The following PHC3 variants were observed in gnomAD, a reference collection of about 807,000 sequenced individuals.
PHC3 encodes polyhomeotic homolog 3, also known as polyhomeotic-like protein 3.
In PHC3, 13 loss-of-function variants were observed where a neutral mutation model predicts 107.4. The ratio of observed to expected loss-of-function variants is 0.12; its 90% CI spans 0.08 to 0.19. The LOEUF (loss-of-function observed/expected upper bound fraction) is 0.19, where lower values mean the gene tolerates loss of function less well. Ranked by LOEUF, PHC3 falls within the 10% of genes least tolerant of loss-of-function variation. The pLI, the probability that PHC3 is intolerant of heterozygous loss-of-function variation, is 1.00. For missense variants in PHC3, 992 were observed against 1,210.9 expected, an observed-to-expected ratio of 0.82 and a Z score of 2.68; for synonymous variants, 456 against 427.4, an observed-to-expected ratio of 1.07 and a Z score of -0.83.
chr3:170,100,589 TATA>T (rs1386974952), intron 14 of PHC3, among the ~76,000 whole-genome samples: 4 of 152,200 alleles, frequency 2.6e-5, no homozygotes, highest in African/African-American at 9.6e-5. Flanking sequence ...TTTTATGATA[TATA>T]ATGTTTTCTA....
chr3:170,172,828 C>T (rs1729821683), intron 2 of PHC3, 116 bp from the exon 3 acceptor site: 1 of 1,034,520 alleles, frequency 9.7e-7, no homozygotes, highest in African/African-American at 1.6e-5. Context: ...TACATAATAT[C>T]ATCAAGCTTA....
rs1256311042 is a variant in PHC3, at chr3:170,091,266, CATGTTAGT to C, written c.*5956_*5963del. On this transcript the variant is annotated 3_prime_UTR_variant, in exon 15 of 15. Coordinates refer to ENST00000495893, the MANE Select transcript of PHC3 (RefSeq NM_024947.4). ...CTCTTATATTTAATTAACACCTTGC[CATGTTAGT>C]ATAACAGTGTTTTCAAATTATGTTG... The C allele has an allele frequency of 1.3e-5, 2 of 152,160 alleles. No individual in the cohort carries two copies. Among genetic ancestry groups the C allele is most frequent in the Admixed American group, 6.5e-5 (1 of 15,284 alleles). The allele number at this position is 152,160 out of a possible 1,614,324, so 9.4% of individuals were successfully genotyped here.
intron 6 of PHC3, among the ~76,000 whole-genome samples, chr3:170,142,858 A>G (rs1163335482): frequency 6.6e-6 from 1 of 152,186 alleles, no homozygotes; most frequent in Non-Finnish European, 1.5e-5. Flanking sequence ...AGGTTTCATA[A>G]AACTAAAACA....
chr3:170,158,608 A>G (rs891097162), intron 4 of PHC3, among the ~76,000 whole-genome samples: 1 of 151,848 alleles, frequency 6.6e-6, no homozygotes, highest in African/African-American at 2.4e-5. Flanking sequence ...ATCTCAAAAA[A>G]GAAAAATTTC....
intron 6 of PHC3, among the ~76,000 whole-genome samples, chr3:170,139,311 G>C (rs1723655579): frequency 6.6e-6 from 1 of 152,084 alleles, no homozygotes; most frequent in South Asian, 2.1e-4. Context: ...GTGTTCTTAG[G>C]CTAACATTAA....
chr3:170,123,972 C>T (rs1324806908), intron 8 of PHC3, among the ~76,000 whole-genome samples: 5 of 151,736 alleles, frequency 3.3e-5, no homozygotes, highest in Non-Finnish European at 2.9e-5. Context: ...TCAGCCACCC[C>T]GAGTAGCTGG....
intron 4 of PHC3, among the ~76,000 whole-genome samples, chr3:170,164,056 G>C (rs982224418): frequency 2.0e-5 from 3 of 151,956 alleles, no homozygotes; most frequent in African/African-American, 7.2e-5. Context: ...AACAAAAATA[G>C]CTGGGTGTGG....
intron 4 of PHC3, among the ~76,000 whole-genome samples, chr3:170,157,410 A>AGTAT (rs1727063668): frequency 6.6e-6 from 1 of 152,152 alleles, no homozygotes; most frequent in East Asian, 1.9e-4. Flanking sequence ...GGAACTTAAT[A>AGTAT]CCTTTTTTAC....
chr3:170,117,198 C>T (rs1719186930), intron 10 of PHC3, 28 bp downstream of exon 10: 1 of 1,612,338 alleles, frequency 6.2e-7, no homozygotes, highest in Non-Finnish European at 8.5e-7. Context: ...AAATTACAAA[C>T]ACACACACAA....
intron 9 of PHC3, among the ~76,000 whole-genome samples, chr3:170,121,537 C>T (rs999339019): frequency 2.0e-5 from 3 of 151,966 alleles, no homozygotes; most frequent in Non-Finnish European, 2.9e-5. Context: ...AGCACAAGAA[C>T]TTTTTTTTAA....
At chr3:170,157,646 A>C (rs1461046377) in intron 4 of PHC3, among the ~76,000 whole-genome samples, 1 of 152,200 alleles carries the variant, frequency 6.6e-6, no homozygotes. Flanking sequence ...CTAGCAGTAG[A>C]ACACTGAGAA....
chr3:170,143,606 T>C (rs977014479), intron 6 of PHC3, among the ~76,000 whole-genome samples: 15 of 152,212 alleles, frequency 9.9e-5, no homozygotes, highest in African/African-American at 3.6e-4. Flanking sequence ...ATATTCATTA[T>C]GAAGAATACC....
chr3:170,145,390 C>CA, intron 6 of PHC3, 33 bp downstream of exon 6: 2 of 1,567,018 alleles, frequency 1.3e-6, no homozygotes, highest in Non-Finnish European at 1.7e-6. Flanking sequence ...ATCCAGATCT[C>CA]AAGTAACACA....
At chr3:170,158,912 G>C (rs1354163436) in intron 4 of PHC3, among the ~76,000 whole-genome samples, 2 of 146,254 alleles carry the variant, frequency 1.4e-5, no homozygotes, top group Admixed American at 1.4e-4. Context: ...GGACAACAAA[G>C]TGAGAACCTG....
At chr3:170,116,873 T>C (rs1719084583) in intron 10 of PHC3, among the ~76,000 whole-genome samples, 1 of 151,282 alleles carries the variant, frequency 6.6e-6, no homozygotes, top group Admixed American at 6.6e-5. Flanking sequence ...ATCGCACCAC[T>C]GCACTCTAGC....
Position 170,091,513 on chromosome 3 carries a change from A to C in PHC3, c.*5717T>G, listed in dbSNP as rs1425086231. 1 of 152,230 alleles carries C rather than the reference A, an allele frequency of 6.6e-6. No individual in the cohort carries two copies. The highest frequency in any genetic ancestry group is 1.5e-5 in the Non-Finnish European group (1 of 68,036). The allele number at this position is 152,230 out of a possible 1,614,324, so 9.4% of individuals were successfully genotyped here. A position where few individuals can be genotyped will look rare whatever the true frequency, so the allele number is the denominator to read the frequency against. The stretch of plus-strand genomic sequence containing the variant: ...ATTTCCGATTAAAATTGTCATCTTT[A>C]AGTAAAATTAAATGTCAACAAACTA... On this transcript the variant is annotated 3_prime_UTR_variant, in exon 15 of 15. Transcript: ENST00000495893.
intron 4 of PHC3, among the ~76,000 whole-genome samples, chr3:170,163,897 T>C (rs530497987): frequency 8.0e-4 from 102 of 127,720 alleles, no homozygotes; most frequent in Non-Finnish European, 6.4e-5. Flanking sequence ...CAGGCAGGCA[T>C]AGTAATAATA....
Position 170,092,181 on chromosome 3 carries a change from G to C in PHC3, c.*5049C>G, listed in dbSNP as rs1291341792. The C allele has an allele frequency of 6.6e-6, 1 of 152,054 alleles. No homozygotes were observed. The highest frequency in any genetic ancestry group is 2.4e-5 in the African/African-American group (1 of 41,396). 9.4% of individuals were successfully genotyped at this position (152,054 alleles called of 1,614,324 possible). A position where few individuals can be genotyped will look rare whatever the true frequency, so the allele number is the denominator to read the frequency against. ...CACCCAGCTAATTTTTGTGTTTTTA[G>C]TAGAGATAGGGTTTCACCATATTGG... On this transcript the variant is annotated 3_prime_UTR_variant, in exon 15 of 15. Coordinates refer to ENST00000495893, the MANE Select transcript of PHC3 (RefSeq NM_024947.4).
chr3:170,147,770 A>G (rs1332439958), intron 5 of PHC3: 1 of 152,232 alleles, frequency 6.6e-6, no homozygotes, highest in Non-Finnish European at 1.5e-5. Flanking sequence ...GACAAATGGT[A>G]TAACTTTCCT....
Sources: gnomAD v4.1 joint callset for allele counts (sites outside exome capture counted in the v4.1 genomes callset) on GRCh38, gnomAD v4.1.1 for gene constraint, MANE v1.5 for transcripts, NCBI Gene and HGNC (gene_info 2026-07-23, HGNC 2026-07-21) for gene names.